BIRC3: variants seen among roughly 807,000 people sequenced by gnomAD.
The protein encoded by BIRC3 is baculoviral IAP repeat-containing protein 3.
Under a neutral mutation model 59.0 loss-of-function variants are expected in BIRC3, and 26 were observed. The observed-to-expected ratio is 0.44, with a 90% CI of 0.32 to 0.61. The LOEUF (loss-of-function observed/expected upper bound fraction) is 0.61. Ranked by LOEUF, BIRC3 falls within the 20% of genes least tolerant of loss-of-function variation. The pLI is 0.04. For missense variants in BIRC3, 641 were observed against 711.5 expected, an observed-to-expected ratio of 0.90 and a Z score of 1.13; for synonymous variants, 243 against 249.2, an observed-to-expected ratio of 0.98 and a Z score of 0.24.
At position 102,337,743 on chromosome 11, in the gene BIRC3, T is replaced by C. The variant is rs757516276; in HGVS notation, c.*641T>C. On this transcript the variant is annotated 3_prime_UTR_variant, in exon 9 of 9. Transcript: ENST00000263464. ...AACAAAAATTACTCTTATTCTTCAT[T>C]GCTTTATTTCAATGACATTGGATAG... 4.4e-5 allele frequency: 11 copies of C among 249,326 alleles called. No individual in the cohort carries two copies. Among genetic ancestry groups the C allele is most frequent in the Non-Finnish European group, 6.9e-5 (9 of 129,922 alleles). The allele number at this position is 249,326 out of a possible 1,614,324, so 15.4% of individuals were successfully genotyped here.
At chr11:102,319,773 T>A (rs2135780815) in intron 1 of BIRC3, 1 of 152,684 alleles carries the variant, frequency 6.5e-6, no homozygotes, top group Admixed American at 6.5e-5. Flanking sequence ...GTGATGCTGG[T>A]CCCAGTCTGC....
chr11:102,330,586 G>A (rs1951128687), intron 5 of BIRC3, among the ~76,000 whole-genome samples: 1 of 152,198 alleles, frequency 6.6e-6, no homozygotes, highest in Non-Finnish European at 1.5e-5. Flanking sequence ...GCACTGTTGA[G>A]AATGAATTCC....
intron 3 of BIRC3, among the ~76,000 whole-genome samples, chr11:102,326,473 A>C (rs1591521242): frequency 1.3e-5 from 2 of 152,334 alleles, no homozygotes; most frequent in Non-Finnish European, 2.9e-5. Context: ...TAAGAAACTT[A>C]ATGTACTAAC....
rs746505483 is a variant in BIRC3 at position 102,325,151 on chromosome 11, T to C, written c.642T>C (p.Asn214=). ...TTGCCTGTGGTGGAAAATTGAGCAA[T>C]TGGGAACCGAAGGATAATGCTATGT... is the stretch of plus-strand genomic sequence containing the variant. ...ACFACGGKLS[N]WEPKDNAMSE... is the part of the protein sequence containing the mutation. The change falls in exon 2 of 9, where the codon AAT becomes AAC. Residue 214 remains asparagine (N), a synonymous_variant. Coordinates refer to ENST00000263464, the MANE Select transcript of BIRC3 (RefSeq NM_001165.5). The C allele has an allele frequency of 2.2e-5, 35 of 1,613,970 alleles. 1 individual carries two copies. Among genetic ancestry groups the C allele is most frequent in the South Asian group, 1.6e-4 (15 of 91,070 alleles).
At chr11:102,327,360 G>T (rs17885186) in intron 3 of BIRC3, among the ~76,000 whole-genome samples, 2 of 152,324 alleles carry the variant, frequency 1.3e-5, no homozygotes, top group East Asian at 1.9e-4. Flanking sequence ...AGCTGAAGTG[G>T]TCGGGTGCAG....
At chr11:102,331,330 A>T in intron 6 of BIRC3, 89 bp downstream of exon 6, 1 of 1,290,796 alleles carries the variant, frequency 7.7e-7, no homozygotes, top group Non-Finnish European at 1.0e-6. Flanking sequence ...AGCATATCTG[A>T]AAATATACTC....
chr11:102,318,049 T>G (rs2135779197), intron 1 of BIRC3, among the ~76,000 whole-genome samples: 1 of 152,312 alleles, frequency 6.6e-6, no homozygotes, highest in South Asian at 2.1e-4. Context: ...GTAGTGCTCT[T>G]ACTCTGATCA....
rs938641603 is a variant in BIRC3 at position 102,337,811 on chromosome 11, T to C, written c.*709T>C. 8.6e-6 allele frequency: 2 copies of C among 233,068 alleles called. No homozygotes were observed. Among genetic ancestry groups the C allele is most frequent in the African/African-American group, 2.2e-5 (1 of 45,344 alleles). The allele number at this position is 233,068 out of a possible 1,614,324, so 14.4% of individuals were successfully genotyped here. On this transcript the variant is annotated 3_prime_UTR_variant, in exon 9 of 9. Coordinates refer to ENST00000263464, the MANE Select transcript of BIRC3 (RefSeq NM_001165.5). Reference sequence around the variant, plus strand: ...TCTTTCCATACCTTCTTAAAGCCTCTCAAATATTGAACTACAGTTTATACT... The same window carrying C: ...TCTTTCCATACCTTCTTAAAGCCTCCCAAATATTGAACTACAGTTTATACT...
chr11:102,329,657 A>G (rs372927738), intron 5 of BIRC3, among the ~76,000 whole-genome samples: 2 of 152,194 alleles, frequency 1.3e-5, no homozygotes, highest in East Asian at 3.8e-4. Context: ...TGAAGCTGGA[A>G]ACCATCATTC....
At chr11:102,333,249 AT>A (rs200417588) in intron 6 of BIRC3, among the ~76,000 whole-genome samples, 73 of 150,582 alleles carry the variant, frequency 4.8e-4, no homozygotes, top group African/African-American at 1.2e-3. Context: ...GTAATTTAAG[AT>A]TTTTTTTTTC....
Position 102,337,599 on chromosome 11 carries a change from C to T in BIRC3, c.*497C>T. On this transcript the variant is annotated 3_prime_UTR_variant, in exon 9 of 9. Transcript: ENST00000263464. The stretch of plus-strand genomic sequence containing the variant: ...GAACAAAAACAAAACACCAGGGACA[C>T]ATTTCTCTGTCTTTTTTGATCAGTG... 2.7e-6 allele frequency: 1 copy of T among 367,898 alleles called. No homozygotes were observed. The highest frequency in any genetic ancestry group is 4.8e-6 in the Non-Finnish European group (1 of 206,494). The allele number at this position is 367,898 out of a possible 1,614,324, so 22.8% of individuals were successfully genotyped here. A position where few individuals can be genotyped will look rare whatever the true frequency, so the allele number is the denominator to read the frequency against.
chr11:102,318,266 AAC>A (rs1447425540), intron 1 of BIRC3, among the ~76,000 whole-genome samples: 3 of 152,194 alleles, frequency 2.0e-5, no homozygotes, highest in African/African-American at 7.2e-5. Context: ...ACAATGAGGA[AAC>A]TGAGGCTCTT....
At chr11:102,329,840 G>A (rs1213594245) in intron 5 of BIRC3, among the ~76,000 whole-genome samples, 1 of 152,098 alleles carries the variant, frequency 6.6e-6, no homozygotes, top group Non-Finnish European at 1.5e-5. Flanking sequence ...AATGTTAAAT[G>A]ACGAGTTAAC....
At chr11:102,330,313 G>C (rs903742514) in intron 5 of BIRC3, among the ~76,000 whole-genome samples, 3 of 152,178 alleles carry the variant, frequency 2.0e-5, no homozygotes, top group African/African-American at 7.2e-5. Context: ...AGATAAATCA[G>C]GGAAGCAGGC....
Position 102,338,101 on chromosome 11 carries a change from T to C in BIRC3, c.*999T>C. ...AATGCTTGGGACCAACAGGTTGTTC[T>C]GGTAAATAAATCTGTTTCATATTGT... is the stretch of plus-strand genomic sequence containing the variant. On this transcript the variant is annotated 3_prime_UTR_variant, in exon 9 of 9. Transcript: ENST00000263464. 1 of 228,480 alleles carries C rather than the reference T, an allele frequency of 4.4e-6. No individual in the cohort carries two copies. The highest frequency in any genetic ancestry group is 6.3e-5 in the East Asian group (1 of 15,968). 14.2% of individuals were successfully genotyped at this position (228,480 alleles called of 1,614,324 possible).
At chr11:102,335,486 ACTTAATTGC>A (rs2135792067) in intron 6 of BIRC3, among the ~76,000 whole-genome samples, 1 of 152,300 alleles carries the variant, frequency 6.6e-6, no homozygotes, top group South Asian at 2.1e-4. Context: ...TCCTTCGGCA[ACTTAATTGC>A]CTCACTGCAG....
chr11:102,327,200 A>G (rs930204856), intron 3 of BIRC3, among the ~76,000 whole-genome samples: 3 of 152,220 alleles, frequency 2.0e-5, no homozygotes, highest in South Asian at 2.1e-4. Context: ...TTATATGTAC[A>G]TTTATACTCA....
At chr11:102,329,799 T>G in intron 5 of BIRC3, among the ~76,000 whole-genome samples, 1 of 151,890 alleles carries the variant, frequency 6.6e-6, no homozygotes, top group Admixed American at 6.6e-5. Flanking sequence ...GGTAGGGGGA[T>G]GTGGGAGGGA....
chr11:102,322,854 T>C lies in BIRC3; in HGVS notation c.-1656T>C, dbSNP rs1951045013. ...TTGCTAGTATTATCGACTCAGAACCTCTTTACTAATGGCTAGTAAATCATA... is the reference window on the plus strand; with the variant it reads ...TTGCTAGTATTATCGACTCAGAACCCCTTTACTAATGGCTAGTAAATCATA... On this transcript the variant is annotated 5_prime_UTR_variant, in exon 2 of 9. Coordinates refer to ENST00000263464, the MANE Select transcript of BIRC3 (RefSeq NM_001165.5). The C allele has an allele frequency of 5.3e-6, 1 of 187,716 alleles. No homozygotes were observed. The highest frequency in any genetic ancestry group is 2.4e-5 in the African/African-American group (1 of 42,170). 11.6% of individuals were successfully genotyped at this position (187,716 alleles called of 1,614,324 possible).
Sources: allele counts gnomAD v4.1 joint callset (sites outside exome capture counted in the v4.1 genomes callset), GRCh38; gene constraint gnomAD v4.1.1; transcripts MANE v1.5; gene names NCBI Gene and HGNC (gene_info 2026-07-23, HGNC 2026-07-21).